The following SEPTIN11 variants were observed in gnomAD, a reference collection of about 807,000 sequenced individuals.
SEPTIN11 encodes septin 11, also known as septin-11.
SEPTIN11 carries 25 observed loss-of-function variants against 51.4 expected under a neutral mutation model. The ratio of observed to expected loss-of-function variants is 0.49; its 90% CI spans 0.35 to 0.68. The LOEUF (loss-of-function observed/expected upper bound fraction) is 0.68, where lower values mean the gene tolerates loss of function less well. Ranked by LOEUF, SEPTIN11 falls within the 30% of genes least tolerant of loss-of-function variation. The probability of loss-of-function intolerance (pLI) is 0.00; values close to 1 mark genes in which losing one functional copy is unlikely to be tolerated. For missense variants in SEPTIN11, 381 were observed against 520.8 expected, an observed-to-expected ratio of 0.73 and a Z score of 2.61; for synonymous variants, 174 against 184.1, an observed-to-expected ratio of 0.95 and a Z score of 0.44.
Position 77,020,538 on chromosome 4 carries a change from G to A in SEPTIN11, c.821G>A (p.Arg274Gln), listed in dbSNP as rs764741944. 14 of 1,613,800 alleles carry A rather than the reference G, an allele frequency of 8.7e-6. No homozygotes were observed. In the Admixed American group the frequency reaches 1.3e-4, roughly 15 times the overall value. ...NENHCDFVKLREMLIRVNMED... is the reference protein window; with the variant it reads ...NENHCDFVKLQEMLIRVNMED... ...AATCATTGCGATTTTGTGAAACTTC[G>A]AGAGATGCTGATCCGCGTGAACATG... The change falls in exon 7 of 10, where the codon CGA becomes CAA. Residue 274 changes from arginine (R) to glutamine (Q), a missense_variant. Arg to Gln is a conservative substitution (Grantham distance 43). This residue lies in a region of SEPTIN11 where 197 missense variants were observed against 313.1 expected (regional missense o/e 0.63). Coordinates refer to ENST00000264893, the MANE Select transcript of SEPTIN11 (RefSeq NM_018243.4).
rs1163954704 is a variant in SEPTIN11 at position 77,024,404 on chromosome 4, A to T, written c.953+3734A>T. ...CATGCGTCTACCACCCAGAGCACCC[A>T]TGCTTCCCTGGACCCAGGCGTCTCC... On this transcript the variant is annotated intron_variant, in intron 7 of 9. Coordinates refer to ENST00000264893, the MANE Select transcript of SEPTIN11 (RefSeq NM_018243.4). The surrounding 1 kb of genome is among the most constrained non-coding windows in gnomAD (Gnocchi z 4.2). Among the ~76,000 whole-genome samples the T allele has an allele frequency of 6.6e-6, 1 of 151,488 alleles. No individual in the cohort carries two copies. Among genetic ancestry groups the T allele is most frequent in the African/African-American group, 2.4e-5 (1 of 41,226 alleles).
rs1385307305 is a variant in SEPTIN11 at position 77,011,981 on chromosome 4, C to T, written c.525+60C>T. 2.1e-6 allele frequency: 3 copies of T among 1,443,096 alleles called. No homozygotes were observed. The Admixed American group carries it at 5.5e-5, about 26-fold the overall frequency. The allele number at this position is 1,443,096 out of a possible 1,614,324, so 89.4% of individuals were successfully genotyped here. ...CTTTTAGATCTTCTTTATCCTAATG[C>T]CCTAATTTGTTCTCTGCTTTCAGTG... is the stretch of plus-strand genomic sequence containing the variant. On this transcript the variant is annotated intron_variant, in intron 4 of 9. Coordinates refer to ENST00000264893, the MANE Select transcript of SEPTIN11 (RefSeq NM_018243.4).
intron 3 of SEPTIN11, among the ~76,000 whole-genome samples, chr4:77,007,004 T>G (rs1724519928): frequency 6.6e-6 from 1 of 152,190 alleles, no homozygotes; most frequent in African/African-American, 2.4e-5. Flanking sequence ...AGATTTTATT[T>G]TGCATACCAA....
intron 7 of SEPTIN11, chr4:77,020,926 C>A: frequency 2.4e-6 from 1 of 420,182 alleles, no homozygotes; most frequent in Non-Finnish European, 4.3e-6. Context: ...ACAAACTGCC[C>A]AAGGTCCTCC....
intron 1 of SEPTIN11, among the ~76,000 whole-genome samples, chr4:76,982,896 A>G (rs1722835704): frequency 6.6e-6 from 1 of 151,628 alleles, no homozygotes; most frequent in South Asian, 2.1e-4. Context: ...TTTTACTAAT[A>G]TCTATCTTTT....
intron 1 of SEPTIN11, among the ~76,000 whole-genome samples, chr4:76,986,764 G>T (rs1328147150): frequency 6.6e-6 from 1 of 151,166 alleles, no homozygotes; most frequent in African/African-American, 2.5e-5. Flanking sequence ...AATATTGTGG[G>T]CTTACCTCCT....
intron 7 of SEPTIN11, among the ~76,000 whole-genome samples, chr4:77,026,491 T>C (rs755116894): frequency 1.3e-5 from 2 of 152,204 alleles, no homozygotes; most frequent in Non-Finnish European, 2.9e-5. Flanking sequence ...GGGAAGTGTA[T>C]GCAACAAAAT....
intron 1 of SEPTIN11, among the ~76,000 whole-genome samples, chr4:76,966,617 T>A (rs1420333962): frequency 1.3e-5 from 2 of 152,110 alleles, no homozygotes; most frequent in African/African-American, 2.4e-5. Context: ...TTCCCAGCAC[T>A]TTGGGAGGCC....
chr4:76,954,147 A>C (rs991327575), intron 1 of SEPTIN11, among the ~76,000 whole-genome samples: 1 of 152,212 alleles, frequency 6.6e-6, no homozygotes, highest in East Asian at 1.9e-4. Context: ...TACTTGATTG[A>C]TTGCCAGCAG....
Position 77,036,332 on chromosome 4 carries a change from C to G in SEPTIN11, c.*1820C>G. On this transcript the variant is annotated 3_prime_UTR_variant, in exon 10 of 10. Coordinates refer to ENST00000264893, the MANE Select transcript of SEPTIN11 (RefSeq NM_018243.4). The stretch of plus-strand genomic sequence containing the variant: ...TAACTGTGGAGCAGCCAAATAGTAG[C>G]TGGCATGTTGATTCAAACCATGGGC... 9.7e-7 allele frequency: 1 copy of G among 1,035,294 alleles called. No individual in the cohort carries two copies. 64.1% of individuals were successfully genotyped at this position (1,035,294 alleles called of 1,614,324 possible).
At chr4:77,000,905 C>A (rs1389102753) in intron 2 of SEPTIN11, among the ~76,000 whole-genome samples, 1 of 152,136 alleles carries the variant, frequency 6.6e-6, no homozygotes. Flanking sequence ...AGAGTAAAAT[C>A]TAGAATAATT....
At chr4:76,964,906 T>G (rs1378411764) in intron 1 of SEPTIN11, among the ~76,000 whole-genome samples, 1 of 152,220 alleles carries the variant, frequency 6.6e-6, no homozygotes, top group African/African-American at 2.4e-5. Context: ...TCAGAAAGCT[T>G]AGCTCCTGAG....
At chr4:76,951,659 T>C (rs1453284959) in intron 1 of SEPTIN11, among the ~76,000 whole-genome samples, 2 of 152,246 alleles carry the variant, frequency 1.3e-5, no homozygotes, top group African/African-American at 4.8e-5. Context: ...GGTGTTTGGC[T>C]TTTTCAGTAA....
chr4:77,015,060 G>A (rs377514047), intron 5 of SEPTIN11, 43 bp downstream of exon 5: 9 of 1,591,862 alleles, frequency 5.7e-6, no homozygotes, highest in East Asian at 2.2e-5. Context: ...TTTTATGAAC[G>A]CCTGTCTTAG....
intron 1 of SEPTIN11, among the ~76,000 whole-genome samples, chr4:76,969,847 C>T (rs1056617954): frequency 2.0e-5 from 3 of 152,180 alleles, no homozygotes; most frequent in Non-Finnish European, 4.4e-5. Context: ...CAGATGCTTT[C>T]CTCCAGTTCT....
At chr4:76,952,774 T>C (rs535503331) in intron 1 of SEPTIN11, among the ~76,000 whole-genome samples, 39 of 152,254 alleles carry the variant, frequency 2.6e-4, no homozygotes, top group Non-Finnish European at 5.0e-4. Context: ...GCACATCTGC[T>C]GTTTGCCTAG....
Position 77,037,180 on chromosome 4 carries a change from G to C in SEPTIN11, c.*2668G>C, listed in dbSNP as rs557211338. On this transcript the variant is annotated 3_prime_UTR_variant, in exon 10 of 10. Coordinates refer to ENST00000264893, the MANE Select transcript of SEPTIN11 (RefSeq NM_018243.4). ...AGTTCAAGACCACCTTGGCGAACACGGTGAAACCCCGTCTCTACAAAAAAT... is the reference window on the plus strand; with the variant it reads ...AGTTCAAGACCACCTTGGCGAACACCGTGAAACCCCGTCTCTACAAAAAAT... 2 of 660,086 alleles carry C rather than the reference G, an allele frequency of 3.0e-6. No individual in the cohort carries two copies. Among genetic ancestry groups the C allele is most frequent in the Non-Finnish European group, 3.8e-6 (2 of 531,992 alleles). The allele number at this position is 660,086 out of a possible 1,614,324, so 40.9% of individuals were successfully genotyped here.
At chr4:77,016,615 C>CACACACATATATATATATAT (rs1553975015) in intron 5 of SEPTIN11, among the ~76,000 whole-genome samples, 1 of 79,192 alleles carries the variant, frequency 1.3e-5, no homozygotes, top group African/African-American at 4.7e-5. Context: ...TATATATACA[C>CACACACATATATATATATAT]ATATATATAT....
chr4:76,957,789 C>A (rs1721628992), intron 1 of SEPTIN11, among the ~76,000 whole-genome samples: 1 of 152,078 alleles, frequency 6.6e-6, no homozygotes, highest in Non-Finnish European at 1.5e-5. Flanking sequence ...AAGCCTCCAC[C>A]CATGAATCAC....
Sources: allele counts gnomAD v4.1 joint callset (sites outside exome capture counted in the v4.1 genomes callset), GRCh38; gene constraint gnomAD v4.1.1; regional missense constraint gnomAD v4.1.1; non-coding constraint Gnocchi (gnomAD v3.1); transcripts MANE v1.5; gene names NCBI Gene and HGNC (gene_info 2026-07-23, HGNC 2026-07-21).